The following CSMD1 variants were observed in gnomAD, a reference collection of about 807,000 sequenced individuals.
CSMD1 encodes CUB and sushi domain-containing protein 1.
Under a neutral mutation model 417.5 loss-of-function variants are expected in CSMD1, and 213 were observed. The observed-to-expected ratio is 0.51, with a 90% confidence interval of 0.46 to 0.57. CSMD1 has a LOEUF of 0.57. CSMD1 is among the 20% of genes least tolerant of loss of function. CSMD1 has a pLI of 0.00. For missense variants in CSMD1, 6,923 were observed against 4,529.7 expected, an observed-to-expected ratio of 1.53 and a Z score of -15.17; for synonymous variants, 2,862 against 1,736.8, an observed-to-expected ratio of 1.65 and a Z score of -16.11.
At chr8:4,648,737 G>T (rs1048737419) in intron 1 of CSMD1, among the ~76,000 whole-genome samples, 4 of 152,260 alleles carry the variant, frequency 2.6e-5, no homozygotes, top group South Asian at 2.1e-4. Context: ...TTTAGGAAGA[G>T]AATTTGTGGG....
At chr8:3,599,163 C>CTGTGTGTG (rs965499661) in intron 8 of CSMD1, among the ~76,000 whole-genome samples, 3 of 126,710 alleles carry the variant, frequency 2.4e-5, no homozygotes, top group South Asian at 2.5e-4. Flanking sequence ...GTGTGTGTGT[C>CTGTGTGTG]TGTGTGTGTG....
In CSMD1 at chr8:3,062,138, A is replaced by T. The variant is rs58766185; in HGVS notation, c.7475-9491T>A. ...ATTGAATTTGAGCATTAATGGGAAT[A>T]TTTCTGGGTCCTTTCTTTTTTTTCT... On this transcript the variant is annotated intron_variant, in intron 49 of 69. Transcript: ENST00000635120. Among the ~76,000 whole-genome samples the T allele has an allele frequency of 6.3e-3, 961 of 152,264 alleles. 8 individuals are homozygous for T. The highest frequency in any genetic ancestry group is 0.022 in the African/African-American group (901 of 41,546).
chr8:4,561,852 C>T (rs1798356552), intron 2 of CSMD1, among the ~76,000 whole-genome samples: 1 of 152,200 alleles, frequency 6.6e-6, no homozygotes, highest in Admixed American at 6.5e-5. Context: ...CAGAGAAACA[C>T]AGTGACTTGT....
At chr8:3,483,892 A>C (rs1057048854) in intron 11 of CSMD1, among the ~76,000 whole-genome samples, 1 of 152,202 alleles carries the variant, frequency 6.6e-6, no homozygotes, top group African/African-American at 2.4e-5. Flanking sequence ...AAAGAACATG[A>C]TATATCAGCT....
intron 1 of CSMD1, among the ~76,000 whole-genome samples, chr8:4,924,878 G>T: frequency 6.6e-6 from 1 of 152,000 alleles, no homozygotes. Context: ...TCCCCAACCA[G>T]CACAAGACAA....
intron 3 of CSMD1, among the ~76,000 whole-genome samples, chr8:4,261,146 C>G (rs1397898408): frequency 1.3e-5 from 2 of 152,136 alleles, no homozygotes; most frequent in African/African-American, 4.8e-5. Flanking sequence ...TTTCTCCCTT[C>G]TACTGGCTTG....
chr8:4,337,505 ATAAT>A (rs1357689344), intron 3 of CSMD1, among the ~76,000 whole-genome samples: 2 of 152,106 alleles, frequency 1.3e-5, no homozygotes, highest in African/African-American at 2.4e-5. Flanking sequence ...TATTCTAAGG[ATAAT>A]TAATACTCAG....
intron 1 of CSMD1, among the ~76,000 whole-genome samples, chr8:4,702,863 G>A (rs75896987): frequency 6.6e-6 from 1 of 152,036 alleles, no homozygotes; most frequent in Non-Finnish European, 1.5e-5. Context: ...CATTATTAAA[G>A]AAAATTATTT....
intron 49 of CSMD1, among the ~76,000 whole-genome samples, chr8:3,082,057 T>C (rs1211777685): frequency 2.0e-5 from 3 of 152,202 alleles, no homozygotes; most frequent in Non-Finnish European, 4.4e-5. Context: ...CTCTTCCTTT[T>C]TACCTGCTTT....
intron 6 of CSMD1, among the ~76,000 whole-genome samples, chr8:3,722,458 C>G (rs1472259866): frequency 6.6e-6 from 1 of 152,040 alleles, no homozygotes; most frequent in Non-Finnish European, 1.5e-5. Flanking sequence ...AAGTGCTTGC[C>G]CCAACCTCAG....
intron 3 of CSMD1, among the ~76,000 whole-genome samples, chr8:4,293,236 C>T (rs911453676): frequency 5.9e-5 from 9 of 152,132 alleles, no homozygotes; most frequent in African/African-American, 1.7e-4. Context: ...GGCCAGACTC[C>T]AAGGGCACAG....
intron 41 of CSMD1, among the ~76,000 whole-genome samples, chr8:3,137,145 A>G (rs1210847444): frequency 6.6e-6 from 1 of 152,160 alleles, no homozygotes; most frequent in African/African-American, 2.4e-5. Context: ...ATGATGGGAC[A>G]TATTATTGTT....
chr8:3,979,527 C>A (rs1003632203), intron 5 of CSMD1, among the ~76,000 whole-genome samples: 1 of 152,176 alleles, frequency 6.6e-6, no homozygotes, highest in Non-Finnish European at 1.5e-5. Flanking sequence ...TGTAACTCTC[C>A]AAGTCATGAT....
At chr8:3,899,922 A>C (rs1016415807) in intron 5 of CSMD1, among the ~76,000 whole-genome samples, 5 of 152,240 alleles carry the variant, frequency 3.3e-5, no homozygotes, top group Admixed American at 6.5e-5. Context: ...TTTAATGTGT[A>C]AAATATTTAT....
chr8:4,409,813 T>A (rs1288075443), intron 3 of CSMD1, among the ~76,000 whole-genome samples: 1 of 152,058 alleles, frequency 6.6e-6, no homozygotes, highest in Non-Finnish European at 1.5e-5. Context: ...AATACCGTAC[T>A]TTTAGTTTGT....
At chr8:3,506,239 G>A (rs1057056315) in intron 10 of CSMD1, among the ~76,000 whole-genome samples, 5 of 152,126 alleles carry the variant, frequency 3.3e-5, no homozygotes, top group Admixed American at 6.5e-5. Flanking sequence ...GAGGGTGCAG[G>A]TGAGCCAGGC....
chr8:4,854,771 A>G (rs1374724211), intron 1 of CSMD1, among the ~76,000 whole-genome samples: 6 of 152,090 alleles, frequency 3.9e-5, no homozygotes, highest in Non-Finnish European at 7.3e-5. Flanking sequence ...CTACACCCAC[A>G]GAGTCTCGCT....
At chr8:3,823,801 T>C (rs1245761469) in intron 5 of CSMD1, among the ~76,000 whole-genome samples, 1 of 152,194 alleles carries the variant, frequency 6.6e-6, no homozygotes, top group Non-Finnish European at 1.5e-5. Context: ...AACATAAATA[T>C]GTTAAAAATG....
At chr8:3,822,639 A>G (rs1801802995) in intron 5 of CSMD1, among the ~76,000 whole-genome samples, 1 of 152,096 alleles carries the variant, frequency 6.6e-6, no homozygotes, top group Admixed American at 6.6e-5. Context: ...TACTTGCTTT[A>G]TTACATTCCG....
Sources: gnomAD v4.1 joint callset for allele counts (sites outside exome capture counted in the v4.1 genomes callset) on GRCh38, gnomAD v4.1.1 for gene constraint, MANE v1.5 for transcripts, NCBI Gene and HGNC (gene_info 2026-07-23, HGNC 2026-07-21) for gene names.